SAMD5: variants seen among roughly 807,000 people sequenced by gnomAD.
SAMD5 encodes sterile alpha motif domain containing 5, also known as sterile alpha motif domain-containing protein 5.
Under a neutral mutation model 11.3 loss-of-function variants are expected in SAMD5, and 13 were observed. That is an observed-to-expected ratio of 1.15 (90% confidence interval 0.75 to 1.83). The LOEUF (loss-of-function observed/expected upper bound fraction) is 1.83, where lower values mean the gene tolerates loss of function less well. SAMD5 is among the 40% of genes most tolerant of loss of function. The pLI is 0.00. For synonymous variants in SAMD5, 129 were observed against 111.3 expected (o/e 1.16, Z -1.00); for missense variants, 255 against 239.1 (o/e 1.07, Z -0.44).
intron 1 of SAMD5, among the ~76,000 whole-genome samples, chr6:147,522,613 T>C (rs1788271053): frequency 6.6e-6 from 1 of 152,230 alleles, no homozygotes; most frequent in African/African-American, 2.4e-5. Flanking sequence ...TTCATAATAA[T>C]CTTACTCCAA....
At chr6:147,673,403 CG>C (rs758220200) in intron 1 of SAMD5, among the ~76,000 whole-genome samples, 8 of 151,992 alleles carry the variant, frequency 5.3e-5, no homozygotes, top group Non-Finnish European at 1.2e-4. Context: ...TTGTTAGAGA[CG>C]GGGTTTCACT....
intron 1 of SAMD5, among the ~76,000 whole-genome samples, chr6:147,595,016 A>T (rs1179468535): frequency 6.6e-6 from 1 of 152,202 alleles, no homozygotes; most frequent in Admixed American, 6.5e-5. Context: ...ATCCTACTTG[A>T]CTAAAACTAC....
At chr6:147,552,257 CAT>C (rs532068256) in intron 1 of SAMD5, among the ~76,000 whole-genome samples, 46 of 152,320 alleles carry the variant, frequency 3.0e-4, no homozygotes, top group African/African-American at 1.0e-3. Context: ...TGAGAGAAGA[CAT>C]ATAAAATGTT....
At chr6:147,553,022 TG>T (rs1353780877) in intron 1 of SAMD5, among the ~76,000 whole-genome samples, 1 of 152,234 alleles carries the variant, frequency 6.6e-6, no homozygotes, top group Admixed American at 6.5e-5. Flanking sequence ...CATCACTCAG[TG>T]ATTGAACTAA....
chr6:147,536,435 A>G (rs1227823569), intron 1 of SAMD5, among the ~76,000 whole-genome samples: 1 of 152,260 alleles, frequency 6.6e-6, no homozygotes, highest in Non-Finnish European at 1.5e-5. Flanking sequence ...ACTTGTTAAA[A>G]GTTGCAAATA....
chr6:147,557,848 C>G (rs991876048), intron 1 of SAMD5, among the ~76,000 whole-genome samples: 2 of 152,206 alleles, frequency 1.3e-5, no homozygotes, highest in Non-Finnish European at 2.9e-5. Flanking sequence ...CACCCTGCCA[C>G]TGATTAGCAG....
the SAMD5 span, among the ~76,000 whole-genome samples, chr6:147,866,929 A>G: frequency 2.0e-5 from 3 of 152,218 alleles, no homozygotes; most frequent in African/African-American, 7.2e-5. Flanking sequence ...TTGTTCATAC[A>G]GAGCTGTTAA....
chr6:147,583,547 C>A (rs532142630), intron 1 of SAMD5, among the ~76,000 whole-genome samples: 2 of 152,256 alleles, frequency 1.3e-5, no homozygotes, highest in African/African-American at 4.8e-5. Context: ...CACACACAAT[C>A]CATATATTTA....
intron 1 of SAMD5, among the ~76,000 whole-genome samples, chr6:147,611,084 C>T (rs1789777963): frequency 6.6e-6 from 1 of 151,960 alleles, no homozygotes; most frequent in Non-Finnish European, 1.5e-5. Flanking sequence ...GTTGGCCAGA[C>T]TGGTCTTGAA....
intron 1 of SAMD5, chr6:147,730,246 A>G (rs1212691606): frequency 2.7e-6 from 1 of 367,466 alleles, no homozygotes; most frequent in Non-Finnish European, 5.3e-6. Flanking sequence ...GAGCAAAGAT[A>G]TGAAATTCCC....
chr6:147,725,387 C>CTT (rs10711772), intron 1 of SAMD5, among the ~76,000 whole-genome samples: 13 of 119,216 alleles, frequency 1.1e-4, no homozygotes, highest in Non-Finnish European at 1.9e-4. Context: ...ACTGACCTGG[C>CTT]TTTTTTTTTT....
chr6:147,879,689 G>T, the SAMD5 span, among the ~76,000 whole-genome samples: 1 of 152,006 alleles, frequency 6.6e-6, no homozygotes, highest in Non-Finnish European at 1.5e-5. Context: ...TGGGGGATTG[G>T]TTTTTTTTAA....
At chr6:147,651,882 G>A (rs1790490316) in intron 1 of SAMD5, among the ~76,000 whole-genome samples, 1 of 152,190 alleles carries the variant, frequency 6.6e-6, no homozygotes, top group Admixed American at 6.5e-5. Flanking sequence ...CTGAAGACCA[G>A]AGTGATTCAG....
chr6:147,624,442 G>A (rs545830735), intron 1 of SAMD5, among the ~76,000 whole-genome samples: 15 of 152,280 alleles, frequency 9.9e-5, no homozygotes, highest in South Asian at 8.3e-4. Context: ...AAAACGTTAC[G>A]TTTCATAGTT....
the SAMD5 span, among the ~76,000 whole-genome samples, chr6:147,952,361 G>A: frequency 6.6e-6 from 1 of 152,134 alleles, no homozygotes; most frequent in Non-Finnish European, 1.5e-5. Flanking sequence ...CCTTTGCTGG[G>A]TAGGCGTGAT....
chr6:147,855,449 C>T, the SAMD5 span, among the ~76,000 whole-genome samples: 1 of 152,098 alleles, frequency 6.6e-6, no homozygotes, highest in South Asian at 2.1e-4. Context: ...AGAGCAGATG[C>T]CAACACTACA....
At chr6:147,903,031 A>G in the SAMD5 span, among the ~76,000 whole-genome samples, 2 of 152,224 alleles carry the variant, frequency 1.3e-5, no homozygotes, top group South Asian at 2.1e-4. Context: ...TGAAGCCACA[A>G]TCTTGGCCAT....
At chr6:147,831,606 A>G in the SAMD5 span, among the ~76,000 whole-genome samples, 2 of 152,208 alleles carry the variant, frequency 1.3e-5, no homozygotes, top group East Asian at 1.9e-4. Flanking sequence ...GGAAACAGAG[A>G]AAGAGTTATT....
intron 1 of SAMD5, among the ~76,000 whole-genome samples, chr6:147,609,831 T>A (rs553104453): frequency 6.6e-6 from 1 of 152,004 alleles, no homozygotes; most frequent in Non-Finnish European, 1.5e-5. Flanking sequence ...GCTGGGATTA[T>A]AGGCATGAGC....
Sources: allele counts gnomAD v4.1 joint callset (sites outside exome capture counted in the v4.1 genomes callset), GRCh38; gene constraint gnomAD v4.1.1; transcripts MANE v1.5; gene names NCBI Gene and HGNC (gene_info 2026-07-23, HGNC 2026-07-21).